HFM1: variants seen among roughly 807,000 people sequenced by gnomAD.
HFM1 encodes the protein probable ATP-dependent DNA helicase HFM1.
A neutral mutation model predicts 192.1 loss-of-function variants in HFM1; 169 were observed. That is an observed-to-expected ratio of 0.88 (90% CI 0.78 to 1.00). HFM1 has a LOEUF of 1.00. Among genes scored for constraint, HFM1 ranks in the 50% least tolerant of loss-of-function variants. The pLI, the probability that HFM1 is intolerant of heterozygous loss-of-function variation, is 0.00. For synonymous variants in HFM1, 525 were observed against 537.8 expected (o/e 0.98, Z 0.33); for missense variants, 1,661 against 1,668.0 (o/e 1.00, Z 0.07).
chr1:91,386,044 T>C (rs530348907), intron 4 of HFM1, among the ~76,000 whole-genome samples: 40 of 152,338 alleles, frequency 2.6e-4, no homozygotes, highest in African/African-American at 9.1e-4. Flanking sequence ...AATCCATTTG[T>C]GGCAGTCATC....
intron 13 of HFM1, among the ~76,000 whole-genome samples, chr1:91,365,259 C>T (rs1194342807): frequency 6.6e-6 from 1 of 151,894 alleles, no homozygotes; most frequent in African/African-American, 2.4e-5. Context: ...AAAGCAGATA[C>T]ATAGTGTGAA....
chr1:91,363,574 T>G (rs909975821), intron 13 of HFM1, among the ~76,000 whole-genome samples: 2 of 150,842 alleles, frequency 1.3e-5, no homozygotes, highest in African/African-American at 4.9e-5. Flanking sequence ...AAAGGAACGC[T>G]TTTACACTGT....
chr1:91,309,018 T>G lies in HFM1; in HGVS notation c.3391+4331A>C, dbSNP rs1366935599. Among the ~76,000 whole-genome samples the G allele has an allele frequency of 2.0e-5, 3 of 152,210 alleles. No homozygotes were observed. The East Asian group carries it at 5.8e-4, about 29-fold the overall frequency. ...TTCATAGTTGTAGCTGTGGAAGCACTGGCCTACCACAAAACTATATCCTAC... is the reference window on the plus strand; with the variant it reads ...TTCATAGTTGTAGCTGTGGAAGCACGGGCCTACCACAAAACTATATCCTAC... On this transcript the variant is annotated intron_variant, in intron 30 of 38. Transcript: ENST00000370425.
At chr1:91,394,753 C>T (rs550723959) in intron 3 of HFM1, among the ~76,000 whole-genome samples, 1 of 151,982 alleles carries the variant, frequency 6.6e-6, no homozygotes, top group Non-Finnish European at 1.5e-5. Context: ...ATGATTTACA[C>T]ACAGAAATAC....
chr1:91,328,326 T>C, intron 20 of HFM1: 1 of 1,492,040 alleles, frequency 6.7e-7, no homozygotes, highest in African/African-American at 1.4e-5. Context: ...TGAATCAAGC[T>C]TTAGCCGCCG....
At chr1:91,366,933 T>C (rs573933370) in intron 13 of HFM1, among the ~76,000 whole-genome samples, 207 of 152,218 alleles carry the variant, frequency 1.4e-3, no homozygotes, top group Non-Finnish European at 1.8e-3. Flanking sequence ...CCTAATGGTC[T>C]TAGCAAACGG....
intron 20 of HFM1, chr1:91,328,291 T>G: frequency 9.0e-7 from 1 of 1,105,504 alleles, no homozygotes; most frequent in Non-Finnish European, 1.3e-6. Context: ...AAAGTGGGCT[T>G]AGGACCGCCT....
intron 23 of HFM1, among the ~76,000 whole-genome samples, chr1:91,322,634 T>G (rs1156562517): frequency 2.0e-5 from 3 of 152,132 alleles, no homozygotes; most frequent in Non-Finnish European, 4.4e-5. Flanking sequence ...ATTACACAGG[T>G]TTTCATACTG....
chr1:91,314,047 G>C lies in HFM1; in HGVS notation c.3154C>G (p.Leu1052Val), dbSNP rs543444471. The C allele has an allele frequency of 6.2e-7, 1 of 1,602,704 alleles. No individual in the cohort carries two copies. The highest frequency in any genetic ancestry group is 8.5e-7 in the Non-Finnish European group (1 of 1,171,302). ...TTTTTAGCCCAACTTCCAGCTTTTA[G>C]CAAAACAGAATCCCTGAAAAATAGT... Reference protein sequence around the residue: ...YLHKITDSVLLKAGSWAKKIA... With the variant: ...YLHKITDSVLVKAGSWAKKIA... Residue 1052 changes from leucine (L) to valine (V), a missense_variant, in exon 29 of 39, where the codon CTA becomes GTA. Leu to Val is a conservative substitution (Grantham distance 32). Transcript: ENST00000370425.
At chr1:91,325,141 G>A (rs1557852767) in intron 20 of HFM1, among the ~76,000 whole-genome samples, 1 of 152,132 alleles carries the variant, frequency 6.6e-6, no homozygotes, top group Non-Finnish European at 1.5e-5. Flanking sequence ...ATAGTCCCAG[G>A]CCTGGCAGCA....
rs149954338 is a variant in HFM1 at position 91,355,500 on chromosome 1, G to A, written c.1686-2201C>T. Among the ~76,000 whole-genome samples the A allele has an allele frequency of 1.6e-3, 237 of 150,862 alleles. 4 individuals carry two copies. Among genetic ancestry groups the A allele is most frequent in the Non-Finnish European group, 2.5e-3 (172 of 67,794 alleles). ...GATCCATCTTAGCTATAAGGACACCGGCTGAAAGTTAAGGGGTAAAAGAAA... is the reference window on the plus strand; with the variant it reads ...GATCCATCTTAGCTATAAGGACACCAGCTGAAAGTTAAGGGGTAAAAGAAA... On this transcript the variant is annotated intron_variant, in intron 13 of 38. Coordinates refer to ENST00000370425, the MANE Select transcript of HFM1 (RefSeq NM_001017975.6).
Position 91,375,706 on chromosome 1 carries a change from C to A in HFM1, c.1417G>T (p.Gly473Cys). ...TTCAGACACACAGCTGGTCTTTCAC[C>A]ATCTGAAAGCCATTCTGCAATCTTT... ...AEDIAEWLSD[G>C]ERPAVCLKMD... Residue 473 changes from glycine to cysteine, a missense_variant, in exon 12 of 39, where the codon GGT becomes TGT. Transcript: ENST00000370425. The A allele has an allele frequency of 6.2e-7, 1 of 1,613,006 alleles. No individual in the cohort carries two copies. Among genetic ancestry groups the A allele is most frequent in the Non-Finnish European group, 8.5e-7 (1 of 1,179,338 alleles).
At chr1:91,304,310 T>C (rs1649289422) in intron 30 of HFM1, among the ~76,000 whole-genome samples, 1 of 152,210 alleles carries the variant, frequency 6.6e-6, no homozygotes, top group Admixed American at 6.5e-5. Flanking sequence ...AATAGTGTCC[T>C]CTGAAGCACA....
chr1:91,281,702 T>A (rs1162318303), intron 30 of HFM1, among the ~76,000 whole-genome samples: 1 of 152,186 alleles, frequency 6.6e-6, no homozygotes, highest in Non-Finnish European at 1.5e-5. Flanking sequence ...AGGTTGAAAA[T>A]CATTTTTCCC....
intron 32 of HFM1, among the ~76,000 whole-genome samples, chr1:91,275,711 A>T (rs935090095): frequency 6.6e-6 from 1 of 152,160 alleles, no homozygotes; most frequent in Admixed American, 6.5e-5. Flanking sequence ...ATTTTAACCC[A>T]GTCACTTCCC....
intron 13 of HFM1, among the ~76,000 whole-genome samples, chr1:91,355,366 T>C (rs1657575108): frequency 6.6e-6 from 1 of 151,094 alleles, no homozygotes. Context: ...TATCTATCAA[T>C]AATAACCCTG....
chr1:91,404,202 C>T (rs1027198385), intron 1 of HFM1, among the ~76,000 whole-genome samples: 2 of 152,206 alleles, frequency 1.3e-5, no homozygotes, highest in Non-Finnish European at 2.9e-5. Context: ...CCCCAGGCAC[C>T]AACAGGGCTG....
chr1:91,392,515 G>A (rs1663129854), intron 4 of HFM1, among the ~76,000 whole-genome samples: 1 of 151,968 alleles, frequency 6.6e-6, no homozygotes, highest in Non-Finnish European at 1.5e-5. Flanking sequence ...CAAACACCAC[G>A]TGTTCTCACT....
rs1050975979 is a variant in HFM1, at chr1:91,261,192, C to G, written c.*98G>C. On this transcript the variant is annotated 3_prime_UTR_variant, in exon 39 of 39. Transcript: ENST00000370425. ...CTAATCAAATACAGGAGAAAAAAATCCGAACAATTATGAACTACTTTTTAA... is the reference window on the plus strand; with the variant it reads ...CTAATCAAATACAGGAGAAAAAAATGCGAACAATTATGAACTACTTTTTAA... 3.3e-5 allele frequency: 16 copies of G among 491,298 alleles called. No homozygotes were observed. Among genetic ancestry groups the G allele is most frequent in the African/African-American group, 1.0e-4 (5 of 49,734 alleles). 30.4% of individuals were successfully genotyped at this position (491,298 alleles called of 1,614,324 possible).
Sources: allele counts gnomAD v4.1 joint callset (sites outside exome capture counted in the v4.1 genomes callset), GRCh38; gene constraint gnomAD v4.1.1; transcripts MANE v1.5; gene names NCBI Gene and HGNC (gene_info 2026-07-23, HGNC 2026-07-21).